The following OOSP3 variants were observed in gnomAD, a reference collection of about 807,000 sequenced individuals.
OOSP3 encodes the protein oocyte-secreted protein 3.
chr11:59,882,173 A>C (rs1853208094), intron 2 of OOSP3, among the ~76,000 whole-genome samples: 1 of 152,212 alleles, frequency 6.6e-6, no homozygotes. Flanking sequence ...TGAGACACTA[A>C]GAGAGGCAGA....
At chr11:59,881,607 T>G (rs2134524649) in intron 2 of OOSP3, among the ~76,000 whole-genome samples, 1 of 152,216 alleles carries the variant, frequency 6.6e-6, no homozygotes, top group East Asian at 1.9e-4. Flanking sequence ...TTGCAGTGGT[T>G]TTACAATATG....
chr11:59,889,290 T>C (rs761846028), intron 2 of OOSP3, among the ~76,000 whole-genome samples: 3 of 152,058 alleles, frequency 2.0e-5, no homozygotes, highest in Non-Finnish European at 4.4e-5. Context: ...GTTTTTCATG[T>C]CTCTATTTCC....
At chr11:59,895,943 T>C (rs1172843741) in intron 4 of OOSP3, among the ~76,000 whole-genome samples, 190 bp from the exon 5 acceptor site, 1 of 152,238 alleles carries the variant, frequency 6.6e-6, no homozygotes, top group Non-Finnish European at 1.5e-5. Flanking sequence ...ATAAACCACT[T>C]ACTTTAAATA....
chr11:59,878,976 C>A, intron 1 of OOSP3, 95 bp downstream of exon 1: 1 of 397,382 alleles, frequency 2.5e-6, no homozygotes, highest in South Asian at 1.3e-4. Flanking sequence ...AAGTGACTTT[C>A]CAGTATAGTT....
At chr11:59,891,583 C>T (rs567023214) in intron 2 of OOSP3, among the ~76,000 whole-genome samples, 3 of 152,326 alleles carry the variant, frequency 2.0e-5, no homozygotes, top group East Asian at 1.9e-4. Flanking sequence ...GCCTGGGTAT[C>T]GCCTGTTGAG....
chr11:59,889,644 T>C (rs1853292698), intron 2 of OOSP3, among the ~76,000 whole-genome samples: 1 of 152,176 alleles, frequency 6.6e-6, no homozygotes, highest in African/African-American at 2.4e-5. Flanking sequence ...AATTTGATTA[T>C]GCTGTGGTCT....
rs555394183 is a variant in OOSP3, at chr11:59,882,916, A to G, written c.252+2477A>G. Among the ~76,000 whole-genome samples, 6 of 152,230 alleles carry G rather than the reference A, an allele frequency of 3.9e-5. No individual in the cohort carries two copies. In the East Asian group the frequency reaches 1.2e-3, roughly 29 times the overall value. On this transcript the variant is annotated intron_variant, in intron 2 of 4. Transcript: ENST00000646438. ...GTGGCCTTTTGTGACTTTTGCTTGC[A>G]TGTTTTCAAAGTTTATCTATATCAT...
rs144540510 is a variant in OOSP3 at position 59,890,103 on chromosome 11, G to T, written c.253-3976G>T. 7.9e-3 allele frequency among the ~76,000 whole-genome samples: 1,202 copies of T among 152,150 alleles called. 18 individuals are homozygous for T. Among genetic ancestry groups the T allele is most frequent in the African/African-American group, 0.027 (1,131 of 41,528 alleles). ...GTCAGAAACTAGGATTGCAACTCCT[G>T]CTTTTTTCTGCTTTCCATTTGCTTG... On this transcript the variant is annotated intron_variant, in intron 2 of 4. Coordinates refer to ENST00000646438, the Ensembl canonical transcript of OOSP3.
In OOSP3 at chr11:59,878,890, G is replaced by T; in HGVS notation, c.73+9G>T. 2.5e-6 allele frequency: 1 copy of T among 398,456 alleles called. No homozygotes were observed. Among genetic ancestry groups the T allele is most frequent in the South Asian group, 1.3e-4 (1 of 7,844 alleles). The allele number at this position is 398,456 out of a possible 1,614,324, so 24.7% of individuals were successfully genotyped here. A position where few individuals can be genotyped will look rare whatever the true frequency, so the allele number is the denominator to read the frequency against. On this transcript the variant is annotated intron_variant, in intron 1 of 4. Transcript: ENST00000646438. Reference sequence around the variant, plus strand: ...TTCTGAGCAAGAGTCAGGTACAAGTGACCTTTATATTTTGTTGTTTGAAGT... The same window carrying T: ...TTCTGAGCAAGAGTCAGGTACAAGTTACCTTTATATTTTGTTGTTTGAAGT...
intron 2 of OOSP3, among the ~76,000 whole-genome samples, chr11:59,892,798 T>C (rs992827813): frequency 2.0e-5 from 3 of 152,176 alleles, no homozygotes; most frequent in Non-Finnish European, 4.4e-5. Context: ...CTTTCATAGA[T>C]ACTGTGTACT....
chr11:59,883,220 A>G lies in OOSP3; in HGVS notation c.252+2781A>G, dbSNP rs1004938580. ...TAATAATTTATTTGTCCCAACTTCAATTCTTTCCTGGGAACAACTCTTTAT... is the reference window on the plus strand; with the variant it reads ...TAATAATTTATTTGTCCCAACTTCAGTTCTTTCCTGGGAACAACTCTTTAT... On this transcript the variant is annotated intron_variant, in intron 2 of 4. Coordinates refer to ENST00000646438, the Ensembl canonical transcript of OOSP3. 5.3e-5 allele frequency among the ~76,000 whole-genome samples: 8 copies of G among 152,224 alleles called. No individual in the cohort carries two copies. In the East Asian group the frequency reaches 9.6e-4, roughly 18 times the overall value.
chr11:59,880,306 C>G (rs1276665132), exon 2 of OOSP3: 1 of 398,318 alleles, frequency 2.5e-6, no homozygotes, highest in African/African-American at 2.1e-5. Flanking sequence ...GTGGCTGAAC[C>G]AACTTTACTT....
At chr11:59,880,386 G>A (rs914794413) in exon 2 of OOSP3, 1 of 398,504 alleles carries the variant, frequency 2.5e-6, no homozygotes, top group African/African-American at 2.1e-5. Context: ...CAATGTAACT[G>A]CGAAGGGATA....
chr11:59,896,198 T>G (rs1853356053), exon 5 of OOSP3: 1 of 398,450 alleles, frequency 2.5e-6, no homozygotes, highest in Admixed American at 4.4e-5. Context: ...AGAGTGCAAA[T>G]GTAGCTATAT....
Position 59,887,069 on chromosome 11 carries a change from A to G in OOSP3, c.252+6630A>G, listed in dbSNP as rs537258837. On this transcript the variant is annotated intron_variant, in intron 2 of 4. Coordinates refer to ENST00000646438, the Ensembl canonical transcript of OOSP3. ...CTTGGCCTCCCAAAGTGCTGGGATT[A>G]CAGGCATGAGCCACCACACCCCTTT... Among the ~76,000 whole-genome samples, 12 of 150,378 alleles carry G rather than the reference A, an allele frequency of 8.0e-5. No homozygotes were observed. The South Asian group carries it at 2.5e-3, about 32-fold the overall frequency.
At chr11:59,884,779 C>T (rs902620605) in intron 2 of OOSP3, among the ~76,000 whole-genome samples, 5 of 152,136 alleles carry the variant, frequency 3.3e-5, no homozygotes, top group Admixed American at 3.3e-4. Context: ...GATGGGGTTA[C>T]AGGCGTGAGC....
At chr11:59,886,297 A>T (rs1377320323) in intron 2 of OOSP3, among the ~76,000 whole-genome samples, 1 of 152,148 alleles carries the variant, frequency 6.6e-6, no homozygotes, top group African/African-American at 2.4e-5. Flanking sequence ...TCTATCATTG[A>T]TGGGCATTTG....
At chr11:59,883,490 C>T (rs747656490) in intron 2 of OOSP3, among the ~76,000 whole-genome samples, 4 of 152,126 alleles carry the variant, frequency 2.6e-5, no homozygotes, top group Non-Finnish European at 4.4e-5. Flanking sequence ...GCTGCCTTAG[C>T]GATATTGCCA....
At chr11:59,881,218 C>T (rs1188637595) in intron 2 of OOSP3, among the ~76,000 whole-genome samples, 4 of 152,078 alleles carry the variant, frequency 2.6e-5, no homozygotes, top group Admixed American at 2.0e-4. Context: ...AAAAAATTAG[C>T]CAGGCATGGT....
Sources: allele counts gnomAD v4.1 joint callset (sites outside exome capture counted in the v4.1 genomes callset), GRCh38; gene constraint gnomAD v4.1.1; transcripts MANE v1.5; gene names NCBI Gene and HGNC (gene_info 2026-07-23, HGNC 2026-07-21).